PRKACB: variants seen among roughly 807,000 people sequenced by gnomAD.
PRKACB encodes the protein cAMP-dependent protein kinase catalytic subunit beta.
Under a neutral mutation model 51.4 loss-of-function variants are expected in PRKACB, and 16 were observed. That is an observed-to-expected ratio of 0.31 (90% CI 0.21 to 0.47). PRKACB has a LOEUF of 0.47. Ranked by LOEUF, PRKACB falls within the 20% of genes least tolerant of loss-of-function variation. PRKACB has a pLI of 1.00. For missense variants in PRKACB, 309 were observed against 464.5 expected (o/e 0.67, Z 3.08); for synonymous variants, 147 against 154.4 (o/e 0.95, Z 0.35).
At chr1:84,231,380 C>G (rs1005137588) in intron 9 of PRKACB, among the ~76,000 whole-genome samples, 1 of 152,098 alleles carries the variant, frequency 6.6e-6, no homozygotes, top group Non-Finnish European at 1.5e-5. Context: ...GACTAAAATT[C>G]TCTTTTTTGG....
At chr1:84,214,122 G>T (rs984213410) in intron 8 of PRKACB, 31 bp from the exon 9 acceptor site, 1 of 1,567,296 alleles carries the variant, frequency 6.4e-7, no homozygotes, top group Admixed American at 2.0e-5. Context: ...GTCTTAGAAT[G>T]TGTGTTTTAC....
chr1:84,205,146 TG>T (rs1671141867), intron 8 of PRKACB: 1 of 982,062 alleles, frequency 1.0e-6, no homozygotes, highest in Admixed American at 6.2e-5. Context: ...TCTCCCCATG[TG>T]GGATATAAAA....
intron 8 of PRKACB, among the ~76,000 whole-genome samples, chr1:84,213,776 A>T (rs895977929): frequency 2.8e-4 from 42 of 152,176 alleles, no homozygotes; most frequent in Admixed American, 2.0e-4. Context: ...TTACAAAGTT[A>T]AATTTATGTA....
chr1:84,095,602 A>G (rs962432977), intron 1 of PRKACB, among the ~76,000 whole-genome samples: 2 of 151,786 alleles, frequency 1.3e-5, no homozygotes, highest in Non-Finnish European at 2.9e-5. Context: ...CAGTTTCACA[A>G]TATGCCTAGG....
At position 84,121,364 on chromosome 1, in the gene PRKACB, A is replaced by G. The variant is rs573071413; in HGVS notation, c.46+42993A>G. On this transcript the variant is annotated intron_variant, in intron 1 of 8. Transcript: ENST00000370688. The stretch of plus-strand genomic sequence containing the variant: ...GAAGATGAAAAAGGAGGTACTCCTC[A>G]TATACATTCATGTATTATACATATA... Among the ~76,000 whole-genome samples the G allele has an allele frequency of 2.0e-5, 3 of 152,212 alleles. No homozygotes were observed. In the East Asian group the frequency reaches 5.8e-4, roughly 29 times the overall value.
chr1:84,153,300 C>T (rs753294908), intron 1 of PRKACB, among the ~76,000 whole-genome samples: 1 of 152,052 alleles, frequency 6.6e-6, no homozygotes, highest in Non-Finnish European at 1.5e-5. Flanking sequence ...AAATGTGACA[C>T]AGAGACATGA....
chr1:84,208,355 T>C (rs1279529303), intron 8 of PRKACB, among the ~76,000 whole-genome samples: 1 of 152,244 alleles, frequency 6.6e-6, no homozygotes, highest in East Asian at 1.9e-4. Flanking sequence ...GAGTGAATTT[T>C]ATAGTTCGTT....
intron 1 of PRKACB, chr1:84,085,870 G>C: frequency 1.7e-6 from 1 of 579,828 alleles, no homozygotes. Flanking sequence ...TGGCCTGGCT[G>C]TAACACCCAA....
chr1:84,150,594 A>G (rs527951907), intron 1 of PRKACB, among the ~76,000 whole-genome samples: 2 of 152,084 alleles, frequency 1.3e-5, no homozygotes, highest in East Asian at 3.9e-4. Context: ...TCATGCAATA[A>G]CTGGTTGTTT....
At chr1:84,086,049 AGC>A (rs1647954029) in intron 1 of PRKACB, 7 of 965,648 alleles carry the variant, frequency 7.2e-6, no homozygotes, top group Non-Finnish European at 1.0e-5. Flanking sequence ...ATGGTGGTCA[AGC>A]AGCATAGGAA....
At chr1:84,126,225 G>A (rs954357147) in intron 1 of PRKACB, among the ~76,000 whole-genome samples, 4 of 152,142 alleles carry the variant, frequency 2.6e-5, no homozygotes, top group East Asian at 1.9e-4. Flanking sequence ...TTTTGCACCC[G>A]CCCTCTTGGT....
In PRKACB at chr1:84,236,822, A is replaced by T. The variant is rs550801000; in HGVS notation, c.*1517A>T. The T allele has an allele frequency of 3.3e-5, 5 of 152,676 alleles. No individual in the cohort carries two copies. In the East Asian group the frequency reaches 7.7e-4, roughly 24 times the overall value. 9.5% of individuals were successfully genotyped at this position (152,676 alleles called of 1,614,324 possible). ...CTGATTTTATCTCTGCGTTTCAGTG[A>T]CCTACCTTAAAACAACACACGAGAA... On this transcript the variant is annotated 3_prime_UTR_variant, in exon 10 of 10. Coordinates refer to ENST00000370685, the MANE Select transcript of PRKACB (RefSeq NM_182948.4).
At chr1:84,088,918 T>A (rs982188357) in intron 1 of PRKACB, among the ~76,000 whole-genome samples, 1 of 152,192 alleles carries the variant, frequency 6.6e-6, no homozygotes, top group African/African-American at 2.4e-5. Flanking sequence ...AAATGTAGCA[T>A]AGGAGTTTAT....
chr1:84,096,506 G>T (rs559500228), intron 1 of PRKACB, among the ~76,000 whole-genome samples: 6 of 151,918 alleles, frequency 3.9e-5, no homozygotes, highest in Non-Finnish European at 8.8e-5. Flanking sequence ...TTAGCTTTTT[G>T]CATGTCCTTT....
chr1:84,141,176 G>A (rs1325553753), upstream of PRKACB, among the ~76,000 whole-genome samples: 1 of 151,758 alleles, frequency 6.6e-6, no homozygotes, highest in Non-Finnish European at 1.5e-5. Flanking sequence ...TTACTCTCTA[G>A]TTTTAAAATC....
intron 1 of PRKACB, among the ~76,000 whole-genome samples, chr1:84,178,546 C>G (rs185112116): frequency 2.6e-5 from 4 of 152,076 alleles, no homozygotes; most frequent in African/African-American, 9.6e-5. Context: ...ATTGGGTATT[C>G]AGACATTTAG....
upstream of PRKACB, among the ~76,000 whole-genome samples, chr1:84,142,524 A>AT (rs952822292): frequency 6.6e-6 from 1 of 152,214 alleles, no homozygotes; most frequent in Admixed American, 6.5e-5. Flanking sequence ...CACACATAAT[A>AT]TTTATACATA....
At chr1:84,222,317 T>A (rs1230913517) in intron 9 of PRKACB, among the ~76,000 whole-genome samples, 1 of 152,126 alleles carries the variant, frequency 6.6e-6, no homozygotes, top group East Asian at 1.9e-4. Flanking sequence ...TGTTTACAGG[T>A]GAAGTGAGGT....
intron 1 of PRKACB, among the ~76,000 whole-genome samples, chr1:84,173,978 C>T (rs939168502): frequency 2.0e-5 from 3 of 151,760 alleles, no homozygotes; most frequent in African/African-American, 7.3e-5. Context: ...CTCATCATCC[C>T]TCATTATTTT....
Sources: gnomAD v4.1 joint callset for allele counts (sites outside exome capture counted in the v4.1 genomes callset) on GRCh38, gnomAD v4.1.1 for gene constraint, MANE v1.5 for transcripts, NCBI Gene and HGNC (gene_info 2026-07-23, HGNC 2026-07-21) for gene names.